ENPP6: variants seen among roughly 807,000 people sequenced by gnomAD.
ENPP6 encodes glycerophosphocholine cholinephosphodiesterase ENPP6.
ENPP6 carries 32 observed loss-of-function variants against 42.0 expected under a neutral mutation model. The ratio of observed to expected loss-of-function variants is 0.76; its 90% CI spans 0.58 to 1.02. The LOEUF is 1.02. Among genes scored for constraint, ENPP6 ranks in the 50% least tolerant of loss-of-function variants. The probability of loss-of-function intolerance (pLI) is 0.00; values close to 1 mark genes in which losing one functional copy is unlikely to be tolerated. For missense variants in ENPP6, 552 were observed against 566.8 expected (o/e 0.97, Z 0.27); for synonymous variants, 213 against 216.0 (o/e 0.99, Z 0.12).
At chr4:184,190,410 G>T (rs906975042) in intron 1 of ENPP6, among the ~76,000 whole-genome samples, 1 of 152,186 alleles carries the variant, frequency 6.6e-6, no homozygotes, top group Admixed American at 6.5e-5. Context: ...AGAGCAGAGA[G>T]AATCGGGGAG....
chr4:184,193,932 T>C (rs571892426), intron 1 of ENPP6, among the ~76,000 whole-genome samples: 208 of 152,350 alleles, frequency 1.4e-3, no homozygotes, highest in African/African-American at 4.9e-3. Context: ...ACTGACTTTC[T>C]TCTATTAGAA....
At chr4:184,148,066 A>G (rs1374469584) in intron 2 of ENPP6, among the ~76,000 whole-genome samples, 1 of 152,148 alleles carries the variant, frequency 6.6e-6, no homozygotes, top group Non-Finnish European at 1.5e-5. Context: ...TGATGTCATC[A>G]TGCTTGCTTT....
chr4:184,198,759 T>A (rs1008727267), intron 1 of ENPP6, among the ~76,000 whole-genome samples: 13 of 152,238 alleles, frequency 8.5e-5, no homozygotes, highest in African/African-American at 2.9e-4. Flanking sequence ...TCTCATTAGA[T>A]CTGATACAAA....
intron 1 of ENPP6, among the ~76,000 whole-genome samples, chr4:184,201,535 C>G (rs1373042186): frequency 1.3e-5 from 2 of 152,134 alleles, no homozygotes; most frequent in African/African-American, 4.8e-5. Context: ...TACAGCTTTG[C>G]CCCCTACTCT....
intron 2 of ENPP6, among the ~76,000 whole-genome samples, chr4:184,138,111 TAATG>T: frequency 6.6e-6 from 1 of 152,260 alleles, no homozygotes; most frequent in Non-Finnish European, 1.5e-5. Flanking sequence ...ATGCATGTCT[TAATG>T]AAAGAAGTAG....
chr4:184,113,281 C>G (rs1289888014), intron 5 of ENPP6, among the ~76,000 whole-genome samples: 1 of 152,192 alleles, frequency 6.6e-6, no homozygotes, highest in Non-Finnish European at 1.5e-5. Flanking sequence ...CTGAAGAATA[C>G]AGGCAAAATT....
intron 1 of ENPP6, among the ~76,000 whole-genome samples, chr4:184,212,088 T>TC (rs1733122380): frequency 6.6e-6 from 1 of 151,798 alleles, no homozygotes. Context: ...GGGACTTATT[T>TC]CAAAATAATA....
chr4:184,186,341 T>C (rs374950458), intron 1 of ENPP6, among the ~76,000 whole-genome samples: 2 of 152,314 alleles, frequency 1.3e-5, no homozygotes, highest in African/African-American at 2.4e-5. Context: ...AATGATTCTG[T>C]TTTGATAAAA....
At position 184,091,332 on chromosome 4, in the gene ENPP6, T is replaced by C. The variant is rs780018498; in HGVS notation, c.1168A>G (p.Asn390Asp). 79 of 1,613,782 alleles carry C rather than the reference T, an allele frequency of 4.9e-5. No individual in the cohort carries two copies. The highest frequency in any genetic ancestry group is 6.2e-5 in the Non-Finnish European group (73 of 1,179,938). ...AAPIRSVDVY[N>D]VMCNVVGITP... ...ATGCCCACCACATTGCACATGACAT[T>C]GTAGACGTCCACCGACCTGATAGGA... The change falls in exon 8 of 8, where the codon AAT becomes GAT. Residue 390 changes from asparagine to aspartate, a missense_variant. Physicochemically the swap from Asn to Asp is conservative, Grantham distance 23 (BLOSUM62 1). Around this residue, in one of 2 missense-constraint regions of ENPP6, gnomAD observed 545 missense variants for 546.3 expected, o/e 1.00. Coordinates refer to ENST00000296741, the MANE Select transcript of ENPP6 (RefSeq NM_153343.4).
At chr4:184,101,233 G>A (rs541452602) in intron 6 of ENPP6, among the ~76,000 whole-genome samples, 19 of 152,076 alleles carry the variant, frequency 1.2e-4, no homozygotes, top group South Asian at 8.3e-4. Context: ...ATGTGTGTGC[G>A]TGTGTATATG....
At chr4:184,200,717 C>T (rs760194588) in intron 1 of ENPP6, among the ~76,000 whole-genome samples, 6 of 152,172 alleles carry the variant, frequency 3.9e-5, no homozygotes, top group Admixed American at 1.3e-4. Context: ...CTGCCCTGTG[C>T]AGATAATCGG....
chr4:184,129,574 T>C (rs1365961917), intron 2 of ENPP6, among the ~76,000 whole-genome samples: 1 of 152,196 alleles, frequency 6.6e-6, no homozygotes, highest in Non-Finnish European at 1.5e-5. Flanking sequence ...TTCTATGGTC[T>C]ACATGCTTTG....
chr4:184,133,217 A>C (rs1302212514), intron 2 of ENPP6, among the ~76,000 whole-genome samples: 1 of 152,080 alleles, frequency 6.6e-6, no homozygotes, highest in East Asian at 1.9e-4. Flanking sequence ...TTGGGATTAC[A>C]GTGAATCTGT....
chr4:184,097,186 C>G (rs1735925256), intron 7 of ENPP6, 59 bp downstream of exon 7: 10 of 1,607,638 alleles, frequency 6.2e-6, no homozygotes, highest in African/African-American at 1.3e-5. Context: ...CCGTAGCCCC[C>G]CTTACAGACA....
At chr4:184,097,456 GGCGCTTTCCTCCTCT>G in intron 6 of ENPP6, 88 bp from the exon 7 acceptor site, 2 of 1,568,348 alleles carry the variant, frequency 1.3e-6, no homozygotes, top group Non-Finnish European at 1.7e-6. Flanking sequence ...TCCACCGGGG[GGCGCTTTCCTCCTCT>G]GCGCTCCGAC....
At position 184,153,693 on chromosome 4, in the gene ENPP6, C is replaced by A. The variant is rs780448060; in HGVS notation, c.282G>T (p.Met94Ile). The change falls in exon 2 of 8, where the codon ATG becomes ATT. Residue 94 changes from methionine (M) to isoleucine (I), a missense_variant. Coordinates refer to ENST00000296741, the MANE Select transcript of ENPP6 (RefSeq NM_153343.4). ...CEVHQMIGNY[M>I]WDPTTNKSFD... is the part of the protein sequence containing the mutation. ...AGGACTTGTTGGTGGTGGGGTCCCA[C>A]ATGTAGTTCCCGATCATCTGATGGA... The A allele has an allele frequency of 2.7e-5, 44 of 1,614,176 alleles. 1 individual carries two copies. Among genetic ancestry groups the A allele is most frequent in the Non-Finnish European group, 3.7e-5 (44 of 1,180,032 alleles).
chr4:184,215,283 A>G (rs983024277), intron 1 of ENPP6, among the ~76,000 whole-genome samples: 4 of 152,250 alleles, frequency 2.6e-5, no homozygotes, highest in African/African-American at 7.2e-5. Flanking sequence ...CTAAAACAGC[A>G]TATCTTTTGC....
chr4:184,116,147 C>T (rs1467210031), intron 5 of ENPP6, among the ~76,000 whole-genome samples: 6 of 151,892 alleles, frequency 4.0e-5, no homozygotes, highest in Admixed American at 2.6e-4. Context: ...GGCATGAACC[C>T]GGGAGGCAAA....
chr4:184,117,213 G>A (rs1029354739), intron 4 of ENPP6, among the ~76,000 whole-genome samples, 178 bp from the exon 5 acceptor site: 1 of 152,124 alleles, frequency 6.6e-6, no homozygotes, highest in Non-Finnish European at 1.5e-5. Flanking sequence ...CTTTGCGGAG[G>A]GGACTGTGAG....
Sources: gnomAD v4.1 joint callset for allele counts (sites outside exome capture counted in the v4.1 genomes callset) on GRCh38, gnomAD v4.1.1 for gene constraint, gnomAD v4.1.1 regional missense constraint, MANE v1.5 for transcripts, NCBI Gene and HGNC (gene_info 2026-07-23, HGNC 2026-07-21) for gene names.